Variants in NRG2 observed in about 807,000 individuals in gnomAD.
NRG2 encodes neuregulin 2.
A neutral mutation model predicts 73.9 loss-of-function variants in NRG2; 27 were observed. The ratio of observed to expected loss-of-function variants is 0.37; its 90% CI spans 0.27 to 0.50. The LOEUF is 0.50. NRG2 is among the 20% of genes least tolerant of loss of function. The pLI is 0.96. For missense variants in NRG2, 1,126 were observed against 1,210.1 expected (o/e 0.93, Z 1.03); for synonymous variants, 532 against 541.0 (o/e 0.98, Z 0.23).
In NRG2 at chr5:139,868,984, G is replaced by A. The variant is rs1328452312; in HGVS notation, c.1112+2737C>T. On this transcript the variant is annotated intron_variant, in intron 4 of 9. Transcript: ENST00000361474. This position sits in a 1 kb window ranked among gnomAD's most constrained non-coding sequence, Gnocchi z 4.2. ...CCCTGAACCAGTCCCCAAGAGTCAC[G>A]CACCAACCGTGCTCTACAAACACAC... 6.6e-6 allele frequency among the ~76,000 whole-genome samples: 1 copy of A among 152,038 alleles called. No individual in the cohort carries two copies. The highest frequency in any genetic ancestry group is 1.5e-5 in the Non-Finnish European group (1 of 67,992).
chr5:139,853,387 A>G lies in NRG2; in HGVS notation c.1293-360T>C, dbSNP rs1761594732. 6.6e-6 allele frequency among the ~76,000 whole-genome samples: 1 copy of G among 152,356 alleles called. No individual in the cohort carries two copies. The highest frequency in any genetic ancestry group is 6.5e-5 in the Admixed American group (1 of 15,300). On this transcript the variant is annotated intron_variant, in intron 6 of 9. Transcript: ENST00000361474. The surrounding 1 kb of genome is among the most constrained non-coding windows in gnomAD (Gnocchi z 4.1). ...TTAAAAGTATATGAAACATTCAAGC[A>G]CAGTGCTGACTCCCTCTCTCTCTCC... is the stretch of plus-strand genomic sequence containing the variant.
Position 140,043,108 on chromosome 5 carries a change from C to A in NRG2, c.-39G>T, listed in dbSNP as rs1433371843. The A allele has an allele frequency of 2.6e-6, 4 of 1,567,622 alleles. No homozygotes were observed. The highest frequency in any genetic ancestry group is 3.4e-6 in the Non-Finnish European group (4 of 1,165,828). ...TTGGGGGGCTCCGCCGCTCAGCCGC[C>A]GCCGCCTTGGGAGGGGAAACAGAGC... On this transcript the variant is annotated 5_prime_UTR_variant, in exon 1 of 10. Transcript: ENST00000361474. This position sits in a 1 kb window ranked among gnomAD's most constrained non-coding sequence, Gnocchi z 6.7.
At chr5:139,864,385 CTTTT>C (rs954495131) in intron 5 of NRG2, among the ~76,000 whole-genome samples, 3 of 134,578 alleles carry the variant, frequency 2.2e-5, no homozygotes, top group Non-Finnish European at 4.8e-5. Flanking sequence ...TCTTCTTCTT[CTTTT>C]TTTTTTTTTT....
intron 4 of NRG2, among the ~76,000 whole-genome samples, chr5:139,866,783 C>G (rs550698305): frequency 1.3e-5 from 2 of 152,352 alleles, no homozygotes; most frequent in Admixed American, 6.5e-5. Flanking sequence ...ACACGTTCTT[C>G]TGCTCTCTGG....
intron 1 of NRG2, among the ~76,000 whole-genome samples, chr5:139,948,843 G>A (rs1024154178): frequency 1.3e-5 from 2 of 152,182 alleles, no homozygotes; most frequent in African/African-American, 4.8e-5. Flanking sequence ...AATCTGAGAA[G>A]TGTTTAGGAG....
intron 1 of NRG2, among the ~76,000 whole-genome samples, chr5:139,958,704 G>A (rs1211848561): frequency 3.9e-5 from 6 of 152,198 alleles, no homozygotes; most frequent in African/African-American, 7.2e-5. Flanking sequence ...TGAACTGGAA[G>A]CATGTAATAG....
At chr5:139,873,626 C>CT (rs1220735762) in intron 3 of NRG2, among the ~76,000 whole-genome samples, 3 of 152,392 alleles carry the variant, frequency 2.0e-5, no homozygotes, top group Admixed American at 2.0e-4. Context: ...GCAGTGAGGA[C>CT]TGCAGGCCTG....
intron 1 of NRG2, among the ~76,000 whole-genome samples, chr5:139,974,206 C>T (rs1756202561): frequency 6.6e-6 from 1 of 152,120 alleles, no homozygotes; most frequent in Non-Finnish European, 1.5e-5. Flanking sequence ...CAAATAGTTT[C>T]ATTCCAATTC....
intron 1 of NRG2, among the ~76,000 whole-genome samples, chr5:140,041,078 C>G (rs1189708981): frequency 1.3e-5 from 2 of 152,108 alleles, no homozygotes; most frequent in South Asian, 2.1e-4. Context: ...TCATAGGTAT[C>G]GATCTAGAAA....
intron 1 of NRG2, among the ~76,000 whole-genome samples, chr5:139,998,789 C>A (rs1161220968): frequency 6.6e-6 from 1 of 152,014 alleles, no homozygotes; most frequent in Non-Finnish European, 1.5e-5. Flanking sequence ...CATACTGTTA[C>A]TTGAAATATG....
intron 1 of NRG2, among the ~76,000 whole-genome samples, chr5:140,019,215 C>A (rs1409734718): frequency 1.3e-5 from 2 of 152,178 alleles, no homozygotes; most frequent in East Asian, 3.8e-4. Flanking sequence ...GCAGCATTGA[C>A]CTGAATCAGA....
Position 140,042,642 on chromosome 5 carries a change from C to T in NRG2, c.428G>A (p.Gly143Asp). The T allele has an allele frequency of 6.2e-7, 1 of 1,600,850 alleles. No individual in the cohort carries two copies. Among genetic ancestry groups the T allele is most frequent in the Non-Finnish European group, 8.5e-7 (1 of 1,175,008 alleles). ...GKVQGLVPAG[G>D]SSSNSTREPP... The stretch of plus-strand genomic sequence containing the variant: ...CTCTCGGGTGCTGTTGGAGCTGGAG[C>T]CGCCGGCTGGGACCAGCCCCTGTAC... Residue 143 changes from glycine to aspartate, a missense_variant, in exon 1 of 10, where the codon GGC (glycine) becomes GAC (aspartate). Physicochemically the swap from Gly to Asp is moderately conservative, Grantham distance 94. Around this residue, in one of 3 missense-constraint regions of NRG2, gnomAD observed 539 missense variants for 703.2 expected, o/e 0.77. Coordinates refer to ENST00000361474, the MANE Select transcript of NRG2 (RefSeq NM_004883.3).
intron 1 of NRG2, among the ~76,000 whole-genome samples, chr5:139,896,222 T>C (rs947811668): frequency 6.6e-6 from 1 of 152,226 alleles, no homozygotes; most frequent in African/African-American, 2.4e-5. Context: ...GCAGCACCTT[T>C]GTATCAGAAC....
Position 139,954,550 on chromosome 5 carries a change from C to T in NRG2, c.701-67039G>A, listed in dbSNP as rs1156710443. ...CAACGCCTTAGTCAAGATAAATAAA[C>T]TTCTAAGCCCCAACTTAAAGGTTCT... is the stretch of plus-strand genomic sequence containing the variant. On this transcript the variant is annotated intron_variant, in intron 1 of 9. Transcript: ENST00000361474. The surrounding 1 kb of genome is among the most constrained non-coding windows in gnomAD (Gnocchi z 5.0). Among the ~76,000 whole-genome samples the T allele has an allele frequency of 6.6e-6, 1 of 152,166 alleles. No individual in the cohort carries two copies. The highest frequency in any genetic ancestry group is 2.4e-5 in the African/African-American group (1 of 41,444).
intron 1 of NRG2, among the ~76,000 whole-genome samples, chr5:139,985,922 C>G (rs966962216): frequency 6.6e-6 from 1 of 152,168 alleles, no homozygotes; most frequent in African/African-American, 2.4e-5. Context: ...CAGAGTCATA[C>G]AGTGAGTCAG....
rs1762114012 is a variant in NRG2 at position 140,043,242 on chromosome 5, T to TGCGCAGCGCG, written c.-183_-174dup. On this transcript the variant is annotated 5_prime_UTR_variant, in exon 1 of 10. Transcript: ENST00000361474. This position sits in a 1 kb window ranked among gnomAD's most constrained non-coding sequence, Gnocchi z 6.7. The stretch of plus-strand genomic sequence containing the variant: ...GGGGCAGGCGGCAAGCGGGCCGCGA[T>TGCGCAGCGCG]GCGCAGCGCGGCGCAGCGCAGCGCT... The TGCGCAGCGCG allele has an allele frequency of 9.5e-6, 6 of 633,052 alleles. No individual in the cohort carries two copies. Among genetic ancestry groups the TGCGCAGCGCG allele is most frequent in the East Asian group, 3.3e-5 (1 of 30,436 alleles). 39.2% of individuals were successfully genotyped at this position (633,052 alleles called of 1,614,324 possible). A position where few individuals can be genotyped will look rare whatever the true frequency, so the allele number is the denominator to read the frequency against.
intron 1 of NRG2, among the ~76,000 whole-genome samples, chr5:139,984,899 A>G (rs1353788978): frequency 6.6e-6 from 1 of 152,060 alleles, no homozygotes; most frequent in African/African-American, 2.4e-5. Flanking sequence ...TTCCTTATTC[A>G]TGGTTTACTT....
At chr5:139,848,771 T>TGTTGGGG in intron 9 of NRG2, 74 bp from the exon 10 acceptor site, 1 of 54,660 alleles carries the variant, frequency 1.8e-5, no homozygotes, top group Non-Finnish European at 3.2e-5. Context: ...GGGGGTGGGG[T>TGTTGGGG]AGGGTGGGAG....
intron 1 of NRG2, among the ~76,000 whole-genome samples, chr5:140,006,243 G>A (rs1049363460): frequency 6.6e-6 from 1 of 152,182 alleles, no homozygotes; most frequent in African/African-American, 2.4e-5. Context: ...CTCTTGTGCA[G>A]TATTATAAAC....
Sources: gnomAD v4.1 joint callset for allele counts (sites outside exome capture counted in the v4.1 genomes callset) on GRCh38, gnomAD v4.1.1 for gene constraint, gnomAD v4.1.1 regional missense constraint, Gnocchi (gnomAD v3.1) non-coding constraint, MANE v1.5 for transcripts, NCBI Gene and HGNC (gene_info 2026-07-23, HGNC 2026-07-21) for gene names.